ZMYM2: variants seen among roughly 807,000 people sequenced by gnomAD.
ZMYM2 encodes the protein zinc finger MYM-type containing 2, also known as zinc finger MYM-type protein 2.
A neutral mutation model predicts 162.8 loss-of-function variants in ZMYM2; 56 were observed. The ratio of observed to expected loss-of-function variants is 0.34; its 90% confidence interval spans 0.28 to 0.43. The LOEUF is 0.43. Among genes scored for constraint, ZMYM2 ranks in the 20% least tolerant of loss-of-function variants. The probability of loss-of-function intolerance (pLI) is 1.00; values close to 1 mark genes in which losing one functional copy is unlikely to be tolerated. For synonymous variants in ZMYM2, 510 were observed against 541.6 expected (o/e 0.94, Z 0.81); for missense variants, 1,275 against 1,621.8 (o/e 0.79, Z 3.67).
the ZMYM2 span, among the ~76,000 whole-genome samples, chr13:19,880,858 C>G: frequency 6.6e-6 from 1 of 151,966 alleles, no homozygotes; most frequent in Non-Finnish European, 1.5e-5. Context: ...AACAGTTTTT[C>G]AAGGAATCTT....
chr13:20,032,653 G>A (rs986384787), intron 10 of ZMYM2, among the ~76,000 whole-genome samples: 1 of 127,216 alleles, frequency 7.9e-6, no homozygotes, highest in African/African-American at 3.0e-5. Flanking sequence ...CTGTTGCCCA[G>A]GCTGGAGTAC....
chr13:19,891,456 T>C, the ZMYM2 span, among the ~76,000 whole-genome samples: 2 of 132,436 alleles, frequency 1.5e-5, no homozygotes, highest in African/African-American at 5.8e-5. Flanking sequence ...CGTGTGACAG[T>C]TTTTTTTTTT....
chr13:19,926,333 G>A, the ZMYM2 span, among the ~76,000 whole-genome samples: 3 of 151,314 alleles, frequency 2.0e-5, no homozygotes, highest in South Asian at 6.3e-4. Flanking sequence ...TTTTTGCGGG[G>A]GTGAGTGGGT....
chr13:20,002,503 A>T (rs1366588439), intron 3 of ZMYM2, among the ~76,000 whole-genome samples: 3 of 152,282 alleles, frequency 2.0e-5, no homozygotes, highest in Non-Finnish European at 4.4e-5. Flanking sequence ...TTAATTTTTT[A>T]AAAAATTGAC....
At chr13:20,040,418 G>C (rs1251705605) in intron 12 of ZMYM2, among the ~76,000 whole-genome samples, 2 of 152,068 alleles carry the variant, frequency 1.3e-5, no homozygotes, top group Non-Finnish European at 2.9e-5. Flanking sequence ...GTATTTCTGT[G>C]AGGGTAGTGG....
chr13:20,051,633 T>G lies in ZMYM2; in HGVS notation c.2458+35T>G, dbSNP rs756456559. The G allele has an allele frequency of 7.0e-6, 11 of 1,574,862 alleles. No individual in the cohort carries two copies. The East Asian group carries it at 1.6e-4, about 23-fold the overall frequency. On this transcript the variant is annotated intron_variant, in intron 13 of 24. Transcript: ENST00000610343. ...GATTTAGGTGATAACTTGAAAACCC[T>G]GTACATCAGTCTTTACGTAGTTTTG...
At chr13:19,880,244 C>T in the ZMYM2 span, among the ~76,000 whole-genome samples, 1 of 152,160 alleles carries the variant, frequency 6.6e-6, no homozygotes, top group Admixed American at 6.6e-5. Flanking sequence ...CCTATTGGCT[C>T]TATTTCTCTG....
At chr13:20,033,153 G>A (rs149471567) in intron 10 of ZMYM2, among the ~76,000 whole-genome samples, 1 of 151,970 alleles carries the variant, frequency 6.6e-6, no homozygotes, top group African/African-American at 2.4e-5. Context: ...AATGAAGAAA[G>A]AAATCCATTA....
At chr13:19,885,604 C>A in the ZMYM2 span, among the ~76,000 whole-genome samples, 1 of 152,038 alleles carries the variant, frequency 6.6e-6, no homozygotes, top group Non-Finnish European at 1.5e-5. Flanking sequence ...CTTTGGGAGG[C>A]CGAGGCGGGT....
chr13:20,026,872 A>G, intron 8 of ZMYM2, 110 bp downstream of exon 8: 1 of 1,173,660 alleles, frequency 8.5e-7, no homozygotes. Flanking sequence ...TTTATTTTAT[A>G]TTAATCTTTT....
chr13:19,958,521 C>A (rs1954725351), upstream of ZMYM2: 1 of 152,404 alleles, frequency 6.6e-6, no homozygotes, highest in African/African-American at 2.4e-5. Context: ...CCGGCGGAGG[C>A]GGGAGTGGAA....
chr13:19,889,038 T>C, the ZMYM2 span, among the ~76,000 whole-genome samples: 1 of 152,018 alleles, frequency 6.6e-6, no homozygotes, highest in African/African-American at 2.4e-5. Context: ...GGCATCCTAC[T>C]TTCTGAGATC....
At chr13:20,059,256 G>A (rs565116668) in intron 15 of ZMYM2, among the ~76,000 whole-genome samples, 191 bp from the exon 16 acceptor site, 1 of 149,036 alleles carries the variant, frequency 6.7e-6, no homozygotes, top group East Asian at 2.0e-4. Context: ...TGTATTTTCT[G>A]TAAGTTAGAA....
rs779911890 is a variant in ZMYM2, at chr13:20,003,150, T to G, written c.1133+15T>G. 5.0e-6 allele frequency: 8 copies of G among 1,605,190 alleles called. No homozygotes were observed. The highest frequency in any genetic ancestry group is 6.0e-6 in the Non-Finnish European group (7 of 1,175,338). On this transcript the variant is annotated intron_variant, in intron 4 of 24. Coordinates refer to ENST00000610343, the MANE Select transcript of ZMYM2 (RefSeq NM_197968.4). ...ATGTGTAAAAAGTAAGGTTTACCTT[T>G]CAACATAATTACATATAGTTGAATT...
the ZMYM2 span, among the ~76,000 whole-genome samples, chr13:19,946,596 A>G: frequency 6.6e-6 from 1 of 152,120 alleles, no homozygotes; most frequent in African/African-American, 2.4e-5. Context: ...CTTTCTGTTT[A>G]TTGGCTGTCT....
In ZMYM2 at chr13:20,083,008, T is replaced by C; in HGVS notation, c.3796T>C (p.Ser1266Pro). Residue 1266 changes from serine to proline, a missense_variant, in exon 23 of 25, where the codon TCC becomes CCC. Coordinates refer to ENST00000610343, the MANE Select transcript of ZMYM2 (RefSeq NM_197968.4). ...NKACLRYQVSSLCGTDNEDKI... is the reference protein window; with the variant it reads ...NKACLRYQVSPLCGTDNEDKI... Reference sequence around the variant, plus strand: ...AGCGTGTCTTCGATACCAAGTGTCTTCCTTGTGTGGAACAGATAATGAAGG... The same window carrying C: ...AGCGTGTCTTCGATACCAAGTGTCTCCCTTGTGTGGAACAGATAATGAAGG... 6.2e-7 allele frequency: 1 copy of C among 1,613,342 alleles called. No homozygotes were observed. The highest frequency in any genetic ancestry group is 8.5e-7 in the Non-Finnish European group (1 of 1,179,482).
the ZMYM2 span, among the ~76,000 whole-genome samples, chr13:19,947,449 G>A: frequency 1.1e-5 from 1 of 90,196 alleles, no homozygotes; most frequent in Non-Finnish European, 2.3e-5. Flanking sequence ...CTTCTTCTTC[G>A]TCTTTTTTTT....
chr13:19,874,185 A>G, the ZMYM2 span, among the ~76,000 whole-genome samples: 3 of 152,190 alleles, frequency 2.0e-5, no homozygotes, highest in Admixed American at 6.6e-5. Context: ...TGAATCACCT[A>G]TGAGGCGGAA....
chr13:19,993,793 A>G lies in ZMYM2; in HGVS notation c.721A>G (p.Ile241Val), dbSNP rs777963991. Residue 241 changes from isoleucine to valine, a missense_variant, in exon 3 of 25, where the codon ATA becomes GTA. Physicochemically the swap from Ile to Val is conservative, Grantham distance 29. Coordinates refer to ENST00000610343, the MANE Select transcript of ZMYM2 (RefSeq NM_197968.4). Reference sequence around the variant, plus strand: ...GCAGTCAAGTAATTTTGGTGTTAATATACAAACATACACCCCATCTTTAAC... The same window carrying G: ...GCAGTCAAGTAATTTTGGTGTTAATGTACAAACATACACCCCATCTTTAAC... ...GLQSSNFGVN[I>V]QTYTPSLTSQ... is the part of the protein sequence containing the mutation. 2 of 1,614,220 alleles carry G rather than the reference A, an allele frequency of 1.2e-6. No individual in the cohort carries two copies. Among genetic ancestry groups the G allele is most frequent in the Admixed American group, 3.3e-5 (2 of 60,020 alleles).
Sources: gnomAD v4.1 joint callset for allele counts (sites outside exome capture counted in the v4.1 genomes callset) on GRCh38, gnomAD v4.1.1 for gene constraint, MANE v1.5 for transcripts, NCBI Gene and HGNC (gene_info 2026-07-23, HGNC 2026-07-21) for gene names.